The following ORMDL1 variants were observed in gnomAD, a reference collection of about 807,000 sequenced individuals.
ORMDL1 encodes ORM1-like protein 1.
ORMDL1 carries 10 observed loss-of-function variants against 13.0 expected under a neutral mutation model. The ratio of observed to expected loss-of-function variants is 0.77; its 90% CI spans 0.47 to 1.30. ORMDL1 has a LOEUF of 1.30. Ranked by LOEUF, ORMDL1 falls within the 50% of genes most tolerant of loss-of-function variation. ORMDL1 has a pLI of 0.00. For missense variants in ORMDL1, 171 were observed against 186.7 expected (o/e 0.92, Z 0.49); for synonymous variants, 61 against 63.9 (o/e 0.95, Z 0.22).
chr2:189,773,068 C>T (rs1312092786), intron 4 of ORMDL1, among the ~76,000 whole-genome samples: 1 of 152,186 alleles, frequency 6.6e-6, no homozygotes, highest in Non-Finnish European at 1.5e-5. Context: ...TTGCATTTAG[C>T]AAACTCATTT....
At chr2:189,780,004 T>C (rs558483021) in intron 3 of ORMDL1, among the ~76,000 whole-genome samples, 42 of 152,328 alleles carry the variant, frequency 2.8e-4, no homozygotes, top group South Asian at 1.9e-3. Context: ...GTATTCCTTA[T>C]CCACAATGCT....
intron 3 of ORMDL1, among the ~76,000 whole-genome samples, chr2:189,777,420 A>G (rs562781661): frequency 1.8e-4 from 28 of 152,236 alleles, no homozygotes; most frequent in Non-Finnish European, 4.0e-4. Flanking sequence ...AAGAACATCT[A>G]TTCCAGACCA....
downstream of ORMDL1, among the ~76,000 whole-genome samples, chr2:189,766,682 C>G (rs1428512024): frequency 1.3e-5 from 2 of 151,846 alleles, no homozygotes; most frequent in African/African-American, 4.8e-5. Flanking sequence ...TGGGATTGCA[C>G]CACTGCACTC....
the ORMDL1 span, chr2:189,763,935 A>G: frequency 4.6e-5 from 7 of 152,338 alleles, no homozygotes; most frequent in Non-Finnish European, 8.8e-5. Context: ...ATAAAGTGGC[A>G]CTATGTACCA....
In ORMDL1 at chr2:189,775,638, G is replaced by C; in HGVS notation, c.253C>G (p.His85Asp). ...PDQGKARLLT[H>D]WEQLDYGVQF... ...ACTCCATAGTCCAGTTGTTCCCAAT[G>C]AGTTAGGAGCCTTGCTTTACCCTGG... The change falls in exon 4 of 5, where the codon CAT becomes GAT. Residue 85 changes from histidine (H) to aspartate (D), a missense_variant. Coordinates refer to ENST00000392349, the MANE Select transcript of ORMDL1 (RefSeq NM_016467.5). 1 of 1,614,008 alleles carries C rather than the reference G, an allele frequency of 6.2e-7. No homozygotes were observed. The highest frequency in any genetic ancestry group is 8.5e-7 in the Non-Finnish European group (1 of 1,179,890).
downstream of ORMDL1, among the ~76,000 whole-genome samples, chr2:189,767,129 G>A (rs2047495599): frequency 6.6e-6 from 1 of 152,210 alleles, no homozygotes; most frequent in South Asian, 2.1e-4. Flanking sequence ...CCCGGAAGTG[G>A]AATTGCTGGA....
intron 1 of ORMDL1, chr2:189,783,607 T>TA (rs1038122208): frequency 6.6e-6 from 1 of 152,228 alleles, no homozygotes; most frequent in African/African-American, 2.4e-5. Flanking sequence ...GACGAAAAGT[T>TA]AGTTACACTA....
chr2:189,766,666 G>C (rs1423774844), downstream of ORMDL1, among the ~76,000 whole-genome samples: 2 of 151,954 alleles, frequency 1.3e-5, no homozygotes, highest in Non-Finnish European at 2.9e-5. Flanking sequence ...AGACGTTGCA[G>C]TGAGCTGGGA....
intron 4 of ORMDL1, among the ~76,000 whole-genome samples, chr2:189,774,485 G>A (rs916915682): frequency 1.3e-5 from 2 of 152,126 alleles, no homozygotes; most frequent in Admixed American, 1.3e-4. Context: ...TCTCTCTTAA[G>A]TTCTAACATA....
intron 4 of ORMDL1, among the ~76,000 whole-genome samples, chr2:189,774,418 C>A (rs1009931880): frequency 6.6e-6 from 1 of 152,180 alleles, no homozygotes; most frequent in Non-Finnish European, 1.5e-5. Context: ...ATTTTATGAT[C>A]AGTTTATTCC....
intron 4 of ORMDL1, among the ~76,000 whole-genome samples, chr2:189,772,527 G>GAA (rs779771294): frequency 6.6e-6 from 1 of 152,084 alleles, no homozygotes; most frequent in Non-Finnish European, 1.5e-5. Flanking sequence ...ATCCAACTGA[G>GAA]AATTTGTTTT....
chr2:189,774,032 T>C (rs1271585091), intron 4 of ORMDL1: 1 of 152,168 alleles, frequency 6.6e-6, no homozygotes, highest in African/African-American at 2.4e-5. Flanking sequence ...GTTTTACAGA[T>C]GAGAAAACTG....
At chr2:189,778,435 G>A (rs150168293) in intron 3 of ORMDL1, 211 of 455,868 alleles carry the variant, frequency 4.6e-4, no homozygotes, top group East Asian at 1.9e-3. Context: ...ATTTAAATAC[G>A]TTCTTAGCGA....
chr2:189,781,841 CAAAAAAGCTGTTA>C (rs573606560), intron 3 of ORMDL1, among the ~76,000 whole-genome samples: 5 of 152,056 alleles, frequency 3.3e-5, no homozygotes, highest in African/African-American at 1.2e-4. Context: ...AATTATATCT[CAAAAAAGCTGTTA>C]AAAAAACTAA....
Position 189,771,687 on chromosome 2 carries a change from G to C in ORMDL1, c.*80C>G. On this transcript the variant is annotated 3_prime_UTR_variant, in exon 5 of 5. Transcript: ENST00000392349. ...ATACTTCTCATTTCACATTATCACA[G>C]AAACAGTGCAGTTTACTAACCACTC... is the stretch of plus-strand genomic sequence containing the variant. 1.6e-6 allele frequency: 2 copies of C among 1,237,964 alleles called. No homozygotes were observed. The highest frequency in any genetic ancestry group is 2.2e-6 in the Non-Finnish European group (2 of 903,098). 76.7% of individuals were successfully genotyped at this position (1,237,964 alleles called of 1,614,324 possible). A position where few individuals can be genotyped will look rare whatever the true frequency, so the allele number is the denominator to read the frequency against.
At chr2:189,773,604 C>T (rs1380801713) in intron 4 of ORMDL1, among the ~76,000 whole-genome samples, 2 of 151,150 alleles carry the variant, frequency 1.3e-5, no homozygotes, top group African/African-American at 4.9e-5. Context: ...CGCCTGTAGT[C>T]CCAGCTACTG....
downstream of ORMDL1, among the ~76,000 whole-genome samples, chr2:189,766,394 C>A (rs1236667271): frequency 1.3e-5 from 2 of 152,208 alleles, no homozygotes; most frequent in African/African-American, 4.8e-5. Flanking sequence ...AGCTCCAGAA[C>A]CTTTTCATCT....
chr2:189,773,159 A>T (rs767360306), intron 4 of ORMDL1, among the ~76,000 whole-genome samples: 1 of 152,254 alleles, frequency 6.6e-6, no homozygotes, highest in African/African-American at 2.4e-5. Flanking sequence ...TCTTTTGACT[A>T]TAACCTAGCA....
intron 3 of ORMDL1, among the ~76,000 whole-genome samples, chr2:189,781,444 G>A (rs372739368): frequency 6.6e-5 from 10 of 152,086 alleles, no homozygotes; most frequent in African/African-American, 1.9e-4. Context: ...GCAATTTCCA[G>A]GGCTGCATAA....
Sources: gnomAD v4.1 joint callset for allele counts (sites outside exome capture counted in the v4.1 genomes callset) on GRCh38, gnomAD v4.1.1 for gene constraint, MANE v1.5 for transcripts, NCBI Gene and HGNC (gene_info 2026-07-23, HGNC 2026-07-21) for gene names.